Variants in INVS observed in about 807,000 individuals in gnomAD.
INVS encodes inversin.
A neutral mutation model predicts 108.8 loss-of-function variants in INVS; 86 were observed. The observed-to-expected ratio is 0.79, with a 90% confidence interval of 0.66 to 0.95. INVS has a LOEUF of 0.95. Among genes scored for constraint, INVS ranks in the 40% least tolerant of loss-of-function variants. The probability of loss-of-function intolerance (pLI) is 0.00; values close to 1 mark genes in which losing one functional copy is unlikely to be tolerated. For synonymous variants in INVS, 455 were observed against 473.5 expected (o/e 0.96, Z 0.51); for missense variants, 1,169 against 1,297.4 (o/e 0.90, Z 1.52).
At chr9:100,259,285 G>C (rs1832530383) in intron 10 of INVS, among the ~76,000 whole-genome samples, 2 of 152,174 alleles carry the variant, frequency 1.3e-5, no homozygotes, top group South Asian at 2.1e-4. Context: ...GCAGTATTAG[G>C]GTGGGAGTGT....
At chr9:100,215,236 C>A (rs1390271421) in intron 3 of INVS, among the ~76,000 whole-genome samples, 1 of 152,160 alleles carries the variant, frequency 6.6e-6, no homozygotes, top group African/African-American at 2.4e-5. Context: ...TCTAAGCCCC[C>A]TTTTGGCTGG....
intron 11 of INVS, among the ~76,000 whole-genome samples, chr9:100,271,595 G>A (rs891635244): frequency 1.3e-5 from 2 of 152,216 alleles, no homozygotes; most frequent in African/African-American, 2.4e-5. Flanking sequence ...AGTTAAAGTA[G>A]TATATGAAAG....
At chr9:100,252,467 T>C in intron 9 of INVS, 29 bp downstream of exon 9, 1 of 1,599,862 alleles carries the variant, frequency 6.3e-7, no homozygotes, top group Non-Finnish European at 8.6e-7. Context: ...TCCTAATAAG[T>C]CTCTCTTAAC....
At chr9:100,111,235 CTTG>C (rs1827328526) in intron 2 of INVS, among the ~76,000 whole-genome samples, 1 of 152,212 alleles carries the variant, frequency 6.6e-6, no homozygotes, top group South Asian at 2.1e-4. Flanking sequence ...AGAGACTACT[CTTG>C]TTACTTGTAT....
intron 12 of INVS, among the ~76,000 whole-genome samples, chr9:100,279,214 A>G (rs1833204600): frequency 6.6e-6 from 1 of 152,216 alleles, no homozygotes; most frequent in African/African-American, 2.4e-5. Flanking sequence ...AAAAGTAGAC[A>G]TGACAGCTGT....
rs1833939154 is a variant in INVS at position 100,300,648 on chromosome 9, C to G, written c.3172C>G (p.Gln1058Glu). Residue 1058 changes from glutamine (Q) to glutamate (E), a missense_variant, in exon 17 of 17, where the codon CAG becomes GAG. By Grantham distance (29) the Gln-to-Glu change is conservative. Transcript: ENST00000262457. Reference sequence around the variant, plus strand: ...TTCTTATAACCTGCAATCAGCTACTCAGCCAAAAAACAAAACAAAACCTTG... The same window carrying G: ...TTCTTATAACCTGCAATCAGCTACTGAGCCAAAAAACAAAACAAAACCTTG... The part of the protein sequence containing the change: ...NFSYNLQSAT[Q>E]PKNKTKP 1.2e-6 allele frequency: 2 copies of G among 1,613,482 alleles called. No individual in the cohort carries two copies. The highest frequency in any genetic ancestry group is 1.3e-5 in the African/African-American group (1 of 74,894).
At chr9:100,139,565 C>G (rs1379545699) in intron 3 of INVS, among the ~76,000 whole-genome samples, 1 of 152,192 alleles carries the variant, frequency 6.6e-6, no homozygotes, top group Non-Finnish European at 1.5e-5. Context: ...AAGACCTTAC[C>G]TTTTAACCTG....
At chr9:100,131,199 G>T (rs1828045096) in intron 3 of INVS, among the ~76,000 whole-genome samples, 3 of 151,836 alleles carry the variant, frequency 2.0e-5, no homozygotes, top group African/African-American at 7.3e-5. Flanking sequence ...GTTTGTTTTT[G>T]AATCTCTCTG....
chr9:100,273,054 T>C lies in INVS; in HGVS notation c.1762T>C (p.Leu588=). The C allele has an allele frequency of 6.2e-7, 1 of 1,613,888 alleles. No homozygotes were observed. The highest frequency in any genetic ancestry group is 1.1e-5 in the South Asian group (1 of 91,048). The change falls in exon 12 of 17, where the codon TTG becomes CTG. Residue 588 remains leucine, a synonymous_variant. Transcript: ENST00000262457. ...AAATCTCCTCATGAAGCATGAACAG[T>C]TGAGAAAAGATGCTGCTGCCAAGTA... ...RKNLLMKHEQ[L]RKDAAAKKRE...
At chr9:100,192,129 G>C (rs1830239966) in intron 3 of INVS, among the ~76,000 whole-genome samples, 3 of 151,994 alleles carry the variant, frequency 2.0e-5, no homozygotes, top group Admixed American at 2.0e-4. Flanking sequence ...TTCCTGTTAA[G>C]TTCCTGTGTT....
At chr9:100,263,383 G>C (rs1352882142) in intron 10 of INVS, among the ~76,000 whole-genome samples, 2 of 152,128 alleles carry the variant, frequency 1.3e-5, no homozygotes, top group Non-Finnish European at 2.9e-5. Context: ...TCTTTTGGTG[G>C]ATCTAGGAGA....
At chr9:100,129,983 G>A (rs557836203) in intron 3 of INVS, 24 of 364,924 alleles carry the variant, frequency 6.6e-5, no homozygotes, top group African/African-American at 3.7e-4. Flanking sequence ...TTCCTAAACT[G>A]TGCTTGTATA....
chr9:100,293,752 T>C (rs1019250125), intron 14 of INVS, among the ~76,000 whole-genome samples: 1 of 152,158 alleles, frequency 6.6e-6, no homozygotes, highest in Non-Finnish European at 1.5e-5. Context: ...AGGGGTCTTA[T>C]TGCTACAAAT....
intron 12 of INVS, among the ~76,000 whole-genome samples, chr9:100,276,665 C>T (rs910160793): frequency 6.6e-6 from 1 of 152,046 alleles, no homozygotes; most frequent in Non-Finnish European, 1.5e-5. Context: ...TGTGCCACCA[C>T]GACCAGCTAA....
intron 11 of INVS, among the ~76,000 whole-genome samples, chr9:100,268,693 G>T (rs1436328339): frequency 1.3e-5 from 2 of 152,008 alleles, no homozygotes; most frequent in Non-Finnish European, 2.9e-5. Flanking sequence ...CCTTTTTTAT[G>T]CTTAAAATTT....
At chr9:100,190,156 C>CCATT (rs1830179066) in intron 3 of INVS, among the ~76,000 whole-genome samples, 1 of 151,874 alleles carries the variant, frequency 6.6e-6, no homozygotes, top group African/African-American at 2.4e-5. Flanking sequence ...TTTCTTTTAA[C>CCATT]CATTGTTGCT....
At chr9:100,289,755 T>G (rs1157090598) in intron 13 of INVS, among the ~76,000 whole-genome samples, 1 of 152,238 alleles carries the variant, frequency 6.6e-6, no homozygotes, top group East Asian at 1.9e-4. Context: ...TCACCCAGTT[T>G]ATCCATTCAC....
At chr9:100,172,922 T>C (rs1184898263) in intron 3 of INVS, among the ~76,000 whole-genome samples, 1 of 152,140 alleles carries the variant, frequency 6.6e-6, no homozygotes, top group Non-Finnish European at 1.5e-5. Context: ...ATCACTAGAT[T>C]TGAAATCACT....
chr9:100,151,158 A>G (rs1165148279), intron 3 of INVS, among the ~76,000 whole-genome samples: 1 of 152,166 alleles, frequency 6.6e-6, no homozygotes, highest in Non-Finnish European at 1.5e-5. Context: ...TTCAGATGGG[A>G]GCATGCCTAG....
Sources: allele counts gnomAD v4.1 joint callset (sites outside exome capture counted in the v4.1 genomes callset), GRCh38; gene constraint gnomAD v4.1.1; transcripts MANE v1.5; gene names NCBI Gene and HGNC (gene_info 2026-07-23, HGNC 2026-07-21).